Variants in NSUN6 observed in about 807,000 individuals in gnomAD.
NSUN6 encodes the protein NOP2/Sun RNA methyltransferase 6, also known as tRNA (cytosine(72)-C(5))-methyltransferase NSUN6.
In NSUN6, 64 loss-of-function variants were observed where a neutral mutation model predicts 58.0. The observed-to-expected ratio is 1.10, with a 90% CI of 0.90 to 1.36. The LOEUF (loss-of-function observed/expected upper bound fraction) is 1.36. Ranked by LOEUF, NSUN6 falls within the 40% of genes most tolerant of loss-of-function variation. NSUN6 has a pLI of 0.00. For missense variants in NSUN6, 701 were observed against 550.1 expected, an observed-to-expected ratio of 1.27 and a Z score of -2.74; for synonymous variants, 231 against 193.9, an observed-to-expected ratio of 1.19 and a Z score of -1.59.
intron 3 of NSUN6, among the ~76,000 whole-genome samples, chr10:18,636,590 G>C (rs1286358220): frequency 1.3e-5 from 2 of 152,018 alleles, no homozygotes; most frequent in East Asian, 1.9e-4. Flanking sequence ...TCTCATAATG[G>C]AAAGTCAAAA....
chr10:18,557,699 C>T (rs192314501), intron 8 of NSUN6, among the ~76,000 whole-genome samples: 41 of 116,564 alleles, frequency 3.5e-4, no homozygotes, highest in Middle Eastern at 8.3e-3. Flanking sequence ...GAATGGAAAG[C>T]GGAATGAAAT....
chr10:18,592,611 T>G (rs1042327654), intron 7 of NSUN6, among the ~76,000 whole-genome samples: 5 of 152,148 alleles, frequency 3.3e-5, no homozygotes, highest in Admixed American at 6.6e-5. Flanking sequence ...AAACAAGCAA[T>G]GGTGAAAGGA....
chr10:18,551,435 A>T (rs1048463029), intron 9 of NSUN6, among the ~76,000 whole-genome samples: 10 of 152,148 alleles, frequency 6.6e-5, no homozygotes, highest in Non-Finnish European at 2.9e-5. Context: ...GTCTATACCC[A>T]TTAAACAATA....
intron 8 of NSUN6, among the ~76,000 whole-genome samples, chr10:18,578,713 T>G (rs990015570): frequency 2.6e-5 from 4 of 152,160 alleles, no homozygotes; most frequent in Non-Finnish European, 5.9e-5. Flanking sequence ...TGAATTCCAG[T>G]AAAACACAGC....
chr10:18,568,317 C>T (rs1390116675), intron 8 of NSUN6, among the ~76,000 whole-genome samples: 4 of 150,200 alleles, frequency 2.7e-5, no homozygotes, highest in African/African-American at 7.3e-5. Context: ...TTCCATTCCG[C>T]ATTCCATTCT....
intron 8 of NSUN6, among the ~76,000 whole-genome samples, chr10:18,556,217 T>G (rs550961266): frequency 1.4e-5 from 2 of 145,696 alleles, no homozygotes; most frequent in Admixed American, 6.9e-5. Context: ...TGGAATAGAA[T>G]GCAATGGGAA....
intron 3 of NSUN6, among the ~76,000 whole-genome samples, chr10:18,639,248 A>C (rs1177856260): frequency 6.6e-6 from 1 of 152,170 alleles, no homozygotes; most frequent in East Asian, 1.9e-4. Flanking sequence ...TAATCCCAGC[A>C]CTTTGGGAGG....
At chr10:18,554,603 T>C (rs1374607812) in intron 8 of NSUN6, among the ~76,000 whole-genome samples, 6 of 147,698 alleles carry the variant, frequency 4.1e-5, no homozygotes, top group South Asian at 2.1e-4. Context: ...GAATGGACTG[T>C]AGTGGAAAAA....
chr10:18,630,411 G>T (rs1411177480), intron 3 of NSUN6, among the ~76,000 whole-genome samples: 1 of 151,734 alleles, frequency 6.6e-6, no homozygotes, highest in Non-Finnish European at 1.5e-5. Flanking sequence ...AATCAGAGCA[G>T]AACTGAAGGA....
At chr10:18,624,517 A>G (rs906836994) in intron 3 of NSUN6, among the ~76,000 whole-genome samples, 1 of 151,474 alleles carries the variant, frequency 6.6e-6, no homozygotes, top group East Asian at 1.9e-4. Context: ...TTAGCCGGGC[A>G]TGGTGGCAGG....
intron 6 of NSUN6, among the ~76,000 whole-genome samples, chr10:18,608,754 C>T (rs561559832): frequency 2.0e-5 from 3 of 151,822 alleles, no homozygotes; most frequent in Non-Finnish European, 4.4e-5. Flanking sequence ...GTATCACTAG[C>T]AATGACTCAG....
At chr10:18,597,064 C>CA (rs2057617996) in intron 6 of NSUN6, among the ~76,000 whole-genome samples, 1 of 152,096 alleles carries the variant, frequency 6.6e-6, no homozygotes, top group Non-Finnish European at 1.5e-5. Context: ...AACAAACAAA[C>CA]AACGACAACA....
intron 8 of NSUN6, among the ~76,000 whole-genome samples, chr10:18,561,712 G>A (rs1378961387): frequency 6.6e-6 from 1 of 151,276 alleles, no homozygotes; most frequent in Non-Finnish European, 1.5e-5. Context: ...GAATGGAATA[G>A]AATGGAGAAA....
upstream of NSUN6, chr10:18,651,715 G>GCGTTACGCTACGCCA: frequency 2.0e-6 from 2 of 985,612 alleles, no homozygotes; most frequent in Non-Finnish European, 2.4e-6. Context: ...CCCCAACACT[G>GCGTTACGCTACGCCA]CGTTACGCTA....
chr10:18,566,880 C>A (rs1253243914), intron 8 of NSUN6, among the ~76,000 whole-genome samples: 7 of 149,264 alleles, frequency 4.7e-5, no homozygotes, highest in Non-Finnish European at 1.0e-4. Context: ...CCATTCATTC[C>A]ATTCTCCATT....
At chr10:18,594,732 G>A (rs904873898) in intron 7 of NSUN6, among the ~76,000 whole-genome samples, 2 of 152,094 alleles carry the variant, frequency 1.3e-5, no homozygotes, top group Non-Finnish European at 2.9e-5. Context: ...GTTCGTGTCT[G>A]CATTGCTGCC....
chr10:18,641,041 A>G (rs1220833054), intron 3 of NSUN6, among the ~76,000 whole-genome samples: 1 of 152,142 alleles, frequency 6.6e-6, no homozygotes, highest in Non-Finnish European at 1.5e-5. Flanking sequence ...TTAACTGCAA[A>G]AAAAGTAATT....
intron 8 of NSUN6, among the ~76,000 whole-genome samples, chr10:18,556,012 G>C (rs936491762): frequency 6.6e-6 from 1 of 151,334 alleles, no homozygotes; most frequent in Non-Finnish European, 1.5e-5. Context: ...ATATGGAATG[G>C]AATGAAATGA....
At chr10:18,626,288 C>A (rs1180534566) in intron 3 of NSUN6, among the ~76,000 whole-genome samples, 2 of 150,252 alleles carry the variant, frequency 1.3e-5, no homozygotes, top group African/African-American at 2.4e-5. Context: ...GCTTGTAATC[C>A]CAACACTTTG....
Sources: gnomAD v4.1 joint callset for allele counts (sites outside exome capture counted in the v4.1 genomes callset) on GRCh38, gnomAD v4.1.1 for gene constraint, MANE v1.5 for transcripts, NCBI Gene and HGNC (gene_info 2026-07-23, HGNC 2026-07-21) for gene names.